Variants in SLIT2 observed in about 807,000 individuals in gnomAD.
SLIT2 encodes the protein slit guidance ligand 2, also known as slit homolog 2 protein.
Under a neutral mutation model 185.7 loss-of-function variants are expected in SLIT2, and 41 were observed. That is an observed-to-expected ratio of 0.22 (90% confidence interval 0.17 to 0.29). SLIT2 has a LOEUF of 0.29. SLIT2 is among the 10% of genes least tolerant of loss of function. The probability of loss-of-function intolerance (pLI) is 1.00; values close to 1 mark genes in which losing one functional copy is unlikely to be tolerated. For missense variants in SLIT2, 1,571 were observed against 1,909.0 expected (o/e 0.82, Z 3.30); for synonymous variants, 693 against 680.2 (o/e 1.02, Z -0.29).
chr4:20,297,914 A>G (rs1716643891), intron 4 of SLIT2, among the ~76,000 whole-genome samples: 1 of 152,152 alleles, frequency 6.6e-6, no homozygotes, highest in African/African-American at 2.4e-5. Flanking sequence ...TACTTGGAAC[A>G]TGTTTTCCCA....
chr4:20,269,141 G>A (rs193055070), intron 4 of SLIT2, among the ~76,000 whole-genome samples: 5 of 151,860 alleles, frequency 3.3e-5, no homozygotes, highest in African/African-American at 1.2e-4. Context: ...TGATGATGGC[G>A]AGATTTACCT....
At chr4:20,261,156 G>C (rs1204665732) in intron 3 of SLIT2, among the ~76,000 whole-genome samples, 1 of 151,796 alleles carries the variant, frequency 6.6e-6, no homozygotes, top group Non-Finnish European at 1.5e-5. Flanking sequence ...AGTGGTACCT[G>C]TTTATCTGGG....
chr4:20,266,103 G>C (rs1274729162), intron 3 of SLIT2, among the ~76,000 whole-genome samples: 1 of 151,472 alleles, frequency 6.6e-6, no homozygotes, highest in Non-Finnish European at 1.5e-5. Flanking sequence ...TACTTACACA[G>C]TGAATTAGAA....
intron 9 of SLIT2, among the ~76,000 whole-genome samples, chr4:20,492,435 C>T (rs1560472442): frequency 6.6e-6 from 1 of 152,140 alleles, no homozygotes; most frequent in East Asian, 1.9e-4. Flanking sequence ...CAGTGTCTAC[C>T]TCCATTAAAA....
chr4:20,291,492 ATTTTTTTTTTTTTTTTT>A (rs1157453738), intron 4 of SLIT2, among the ~76,000 whole-genome samples: 271 of 18,090 alleles, frequency 0.015, no homozygotes, highest in Middle Eastern at 0.071. Context: ...ATATATATAT[ATTTTTTTTTTTTTTTTT>A]TTTTTTTTTT....
chr4:20,257,892 C>T lies in SLIT2; in HGVS notation c.276C>T (p.Ser92=), dbSNP rs1332864063. 2.5e-6 allele frequency: 4 copies of T among 1,571,772 alleles called. No homozygotes were observed. In the African/African-American group the frequency reaches 4.1e-5, roughly 16 times the overall value. Reference sequence around the variant, plus strand: ...GTCAGCTTATGGAGAATAAGATTAGCACCATTGAAAGAGGAGCATTCCAGG... The same window carrying T: ...GTCAGCTTATGGAGAATAAGATTAGTACCATTGAAAGAGGAGCATTCCAGG... ...RVLQLMENKI[S]TIERGAFQDL... is the part of the protein sequence containing the mutation. Residue 92 remains serine (S), a synonymous_variant, in exon 3 of 37, where the codon AGC becomes AGT. Coordinates refer to ENST00000504154, the MANE Select transcript of SLIT2 (RefSeq NM_004787.4).
chr4:20,298,902 T>C (rs1716770319), intron 4 of SLIT2, among the ~76,000 whole-genome samples: 1 of 152,224 alleles, frequency 6.6e-6, no homozygotes, highest in Admixed American at 6.5e-5. Flanking sequence ...TCAGAGAGGT[T>C]GATAGTAAGC....
chr4:20,496,660 A>T (rs1041714895), intron 9 of SLIT2, among the ~76,000 whole-genome samples: 3 of 152,192 alleles, frequency 2.0e-5, no homozygotes, highest in African/African-American at 7.2e-5. Context: ...TTAAATATCT[A>T]TCTCTTCTAC....
chr4:20,493,427 C>T (rs35470020), intron 9 of SLIT2, among the ~76,000 whole-genome samples: 9,392 of 152,148 alleles, frequency 0.062, 351 homozygotes, highest in East Asian at 0.11. Flanking sequence ...TATTTACTAC[C>T]TAAAGGCACC....
At chr4:20,417,196 A>AT (rs546364476) in intron 4 of SLIT2, among the ~76,000 whole-genome samples, 13 of 151,792 alleles carry the variant, frequency 8.6e-5, no homozygotes, top group Non-Finnish European at 1.9e-4. Flanking sequence ...TATTGCATTT[A>AT]TTGTCTGACT....
Position 20,253,734 on chromosome 4 carries a change from C to T in SLIT2, c.-82C>T. ...GTTGCTAGCCCCGCCGGGCACTGGG[C>T]CTCAGACACTGCGCGGTTCCCTCGG... On this transcript the variant is annotated 5_prime_UTR_variant, in exon 1 of 37. Transcript: ENST00000504154. 6.6e-7 allele frequency: 1 copy of T among 1,525,382 alleles called. No individual in the cohort carries two copies. The highest frequency in any genetic ancestry group is 8.9e-7 in the Non-Finnish European group (1 of 1,127,746). The allele number at this position is 1,525,382 out of a possible 1,614,324, so 94.5% of individuals were successfully genotyped here. A position where few individuals can be genotyped will look rare whatever the true frequency, so the allele number is the denominator to read the frequency against.
intron 3 of SLIT2, among the ~76,000 whole-genome samples, chr4:20,259,861 T>G (rs1712250095): frequency 6.6e-6 from 1 of 151,752 alleles, no homozygotes; most frequent in Non-Finnish European, 1.5e-5. Context: ...AGAGCAAATA[T>G]TTCATATTTG....
intron 5 of SLIT2, among the ~76,000 whole-genome samples, chr4:20,477,138 A>T (rs917609479): frequency 2.2e-5 from 3 of 135,302 alleles, no homozygotes; most frequent in African/African-American, 8.6e-5. Context: ...GGGCATCAGA[A>T]GATATACCTC....
chr4:20,525,057 A>C, intron 14 of SLIT2, 92 bp from the exon 15 acceptor site: 1 of 911,578 alleles, frequency 1.1e-6, no homozygotes, highest in Non-Finnish European at 1.8e-6. Flanking sequence ...TAATTGCAGT[A>C]ACTTTAGTCC....
At chr4:20,526,911 G>C (rs1359888779) in intron 15 of SLIT2, among the ~76,000 whole-genome samples, 2 of 152,144 alleles carry the variant, frequency 1.3e-5, no homozygotes, top group Non-Finnish European at 1.5e-5. Context: ...TGAATTGCAA[G>C]ATATCCAGTG....
intron 4 of SLIT2, among the ~76,000 whole-genome samples, chr4:20,398,147 A>T (rs990570119): frequency 1.3e-5 from 2 of 151,830 alleles, no homozygotes; most frequent in Admixed American, 6.6e-5. Flanking sequence ...GTGCAAAGAC[A>T]GCTGAGATCC....
At chr4:20,449,024 C>T (rs16869612) in intron 4 of SLIT2, among the ~76,000 whole-genome samples, 3,449 of 152,176 alleles carry the variant, frequency 0.023, 98 homozygotes, top group African/African-American at 0.061. Context: ...ACATTTTTCT[C>T]TATTGAATTG....
intron 18 of SLIT2, among the ~76,000 whole-genome samples, chr4:20,539,213 G>C (rs1237035509): frequency 2.6e-5 from 4 of 152,148 alleles, no homozygotes. Context: ...TCCATGCCTA[G>C]ACTCACCGTG....
chr4:20,609,883 C>T (rs112100603), intron 33 of SLIT2, 130 bp from the exon 34 acceptor site: 4 of 759,572 alleles, frequency 5.3e-6, no homozygotes, highest in Admixed American at 3.3e-5. Context: ...TTCAACTACT[C>T]GTCTTTATCT....
Sources: gnomAD v4.1 joint callset for allele counts (sites outside exome capture counted in the v4.1 genomes callset) on GRCh38, gnomAD v4.1.1 for gene constraint, MANE v1.5 for transcripts, NCBI Gene and HGNC (gene_info 2026-07-23, HGNC 2026-07-21) for gene names.